PPP1R13B: variants seen among roughly 807,000 people sequenced by gnomAD.
PPP1R13B encodes the protein apoptosis-stimulating of p53 protein 1.
In PPP1R13B, 44 loss-of-function variants were observed where a neutral mutation model predicts 119.8. The observed-to-expected ratio is 0.37, with a 90% CI of 0.29 to 0.47. PPP1R13B has a LOEUF of 0.47. Ranked by LOEUF, PPP1R13B falls within the 20% of genes least tolerant of loss-of-function variation. The pLI, the probability that PPP1R13B is intolerant of heterozygous loss-of-function variation, is 0.99. For missense variants in PPP1R13B, 1,227 were observed against 1,413.5 expected, an observed-to-expected ratio of 0.87 and a Z score of 2.12; for synonymous variants, 542 against 561.5, an observed-to-expected ratio of 0.97 and a Z score of 0.49.
chr14:103,734,401 A>C lies in PPP1R13B; in HGVS notation c.*753T>G. On this transcript the variant is annotated 3_prime_UTR_variant, in exon 17 of 17. Transcript: ENST00000202556. ...TTCAGGGAACTGAATTTGAGCTTGCAGGGGTGAGAACCACACTGAGCAGCA... is the reference window on the plus strand; with the variant it reads ...TTCAGGGAACTGAATTTGAGCTTGCCGGGGTGAGAACCACACTGAGCAGCA... The C allele has an allele frequency of 2.5e-6, 1 of 400,184 alleles. No homozygotes were observed. The highest frequency in any genetic ancestry group is 5.1e-6 in the Non-Finnish European group (1 of 196,754). 24.8% of individuals were successfully genotyped at this position (400,184 alleles called of 1,614,324 possible).
chr14:103,736,033 C>T lies in PPP1R13B; in HGVS notation c.3201G>A (p.Arg1067=). Residue 1067 remains arginine, a synonymous_variant, in exon 16 of 17, where the codon CGG becomes CGA. Coordinates refer to ENST00000202556, the MANE Select transcript of PPP1R13B (RefSeq NM_015316.3). ...TEWWWARLGD[R]EGYVPKNLLG... is the part of the protein sequence containing the mutation. ...GCAGGTTTTTGGGCACATAGCCCTC[C>T]CGGTCTCCAAGGCGAGCCCACCACC... 1 of 1,614,182 alleles carries T rather than the reference C, an allele frequency of 6.2e-7. No homozygotes were observed. The highest frequency in any genetic ancestry group is 8.5e-7 in the Non-Finnish European group (1 of 1,180,026).
At chr14:103,806,574 C>T (rs887146706) in intron 1 of PPP1R13B, among the ~76,000 whole-genome samples, 1 of 152,108 alleles carries the variant, frequency 6.6e-6, no homozygotes, top group Non-Finnish European at 1.5e-5. Flanking sequence ...ATGCTAAGGT[C>T]CCTTCTGGCC....
chr14:103,783,120 T>G (rs1463084111), intron 3 of PPP1R13B, among the ~76,000 whole-genome samples: 1 of 151,846 alleles, frequency 6.6e-6, no homozygotes, highest in African/African-American at 2.4e-5. Flanking sequence ...TTTTTTCCTA[T>G]CAAATTTTAG....
intron 4 of PPP1R13B, among the ~76,000 whole-genome samples, chr14:103,764,951 T>TG (rs2084904148): frequency 6.6e-6 from 1 of 152,204 alleles, no homozygotes; most frequent in Non-Finnish European, 1.5e-5. Flanking sequence ...CCCGAGTAGC[T>TG]GGGACTACAG....
At chr14:103,813,637 G>A (rs8011109) in intron 1 of PPP1R13B, among the ~76,000 whole-genome samples, 67,735 of 152,012 alleles carry the variant, frequency 0.45, 15,598 homozygotes, top group African/African-American at 0.56. Context: ...GCAGAACTGT[G>A]AGTACATTAA....
intron 1 of PPP1R13B, chr14:103,846,908 C>G (rs1445830601): frequency 1.0e-6 from 1 of 968,812 alleles, no homozygotes; most frequent in Non-Finnish European, 1.4e-6. Context: ...GGCGCGGGTG[C>G]CCACCCCGCC....
chr14:103,807,771 G>C (rs1223212598), intron 1 of PPP1R13B, among the ~76,000 whole-genome samples: 1 of 151,922 alleles, frequency 6.6e-6, no homozygotes, highest in Non-Finnish European at 1.5e-5. Context: ...TGGGATTATA[G>C]GCGTGAGGCA....
chr14:103,793,198 TGAGGAAAGGA>T (rs1418192279), intron 2 of PPP1R13B, among the ~76,000 whole-genome samples: 1 of 140,910 alleles, frequency 7.1e-6, no homozygotes, highest in Non-Finnish European at 1.5e-5. Context: ...GGAAGAGAAG[TGAGGAAAGGA>T]AAGAAAAGGA....
At chr14:103,839,670 T>C (rs1172259781) in intron 1 of PPP1R13B, among the ~76,000 whole-genome samples, 1 of 151,212 alleles carries the variant, frequency 6.6e-6, no homozygotes, top group Non-Finnish European at 1.5e-5. Context: ...GTCATTACAA[T>C]AGCCTCTAAG....
At chr14:103,750,486 C>A (rs1358555918) in intron 7 of PPP1R13B, among the ~76,000 whole-genome samples, 1 of 152,224 alleles carries the variant, frequency 6.6e-6, no homozygotes, top group East Asian at 1.9e-4. Context: ...AGCACTAGTA[C>A]ATACACACTT....
Position 103,738,969 on chromosome 14 carries a change from T to C in PPP1R13B, c.2647A>G (p.Arg883Gly). ...AGTGCCAGGGGGTTAAACCGGACTC[T>C]CAGCCCGTGCCCCGTCCGCTCCGAG... ...PNSERTGHGL[R>G]VRFNPLALLL... The change falls in exon 13 of 17, where the codon AGA becomes GGA. Residue 883 changes from arginine to glycine, a missense_variant. Transcript: ENST00000202556. The surrounding 1 kb of genome is among the most constrained non-coding windows in gnomAD (Gnocchi z 5.6). The C allele has an allele frequency of 4.3e-6, 7 of 1,614,114 alleles. No individual in the cohort carries two copies. Among genetic ancestry groups the C allele is most frequent in the Non-Finnish European group, 5.9e-6 (7 of 1,180,012 alleles).
Position 103,734,556 on chromosome 14 carries a change from A to G in PPP1R13B, c.*598T>C, listed in dbSNP as rs187219068. 7.4e-4 allele frequency: 339 copies of G among 456,436 alleles called. 1 individual carries two copies. The highest frequency in any genetic ancestry group is 5.9e-3 in the African/African-American group (294 of 50,178). The allele number at this position is 456,436 out of a possible 1,614,324, so 28.3% of individuals were successfully genotyped here. ...TGCTGGGCCTGCACAATCAGCCTTT[A>G]GGTGAACTGGAACAGGAAGCGGAAC... is the stretch of plus-strand genomic sequence containing the variant. On this transcript the variant is annotated 3_prime_UTR_variant, in exon 17 of 17. Transcript: ENST00000202556.
At chr14:103,751,225 C>T (rs2084537334) in intron 7 of PPP1R13B, among the ~76,000 whole-genome samples, 1 of 152,204 alleles carries the variant, frequency 6.6e-6, no homozygotes, top group South Asian at 2.1e-4. Flanking sequence ...AAATAAATGA[C>T]ATCCTTATAT....
At chr14:103,781,944 G>T (rs1235141971) in intron 3 of PPP1R13B, among the ~76,000 whole-genome samples, 2 of 152,068 alleles carry the variant, frequency 1.3e-5, no homozygotes, top group Non-Finnish European at 2.9e-5. Context: ...GAGCCACCGC[G>T]CCCGGCCAAA....
At chr14:103,795,555 T>C (rs1463158228) in intron 2 of PPP1R13B, among the ~76,000 whole-genome samples, 1 of 152,122 alleles carries the variant, frequency 6.6e-6, no homozygotes, top group Non-Finnish European at 1.5e-5. Flanking sequence ...CCATAGACCA[T>C]TTAGGGCTAT....
Position 103,785,400 on chromosome 14 carries a change from T to C in PPP1R13B, c.158-486A>G, listed in dbSNP as rs145631449. ...TGCCCAGCTAATTTTTTGTATTTAG[T>C]AGAGAGAGGGTTTCACCATGTTAGC... is the stretch of plus-strand genomic sequence containing the variant. On this transcript the variant is annotated intron_variant, in intron 2 of 16. Coordinates refer to ENST00000202556, the MANE Select transcript of PPP1R13B (RefSeq NM_015316.3). Among the ~76,000 whole-genome samples, 139 of 152,096 alleles carry C rather than the reference T, an allele frequency of 9.1e-4. 3 individuals are homozygous for C. In the East Asian group the frequency reaches 0.02, roughly 22 times the overall value.
intron 1 of PPP1R13B, among the ~76,000 whole-genome samples, chr14:103,805,368 C>T (rs2085993319): frequency 6.6e-6 from 1 of 151,878 alleles, no homozygotes; most frequent in African/African-American, 2.4e-5. Flanking sequence ...CTCAAGAGTT[C>T]AAGACCAGCC....
At chr14:103,746,142 A>C (rs1446464110) in intron 9 of PPP1R13B, among the ~76,000 whole-genome samples, 2 of 152,186 alleles carry the variant, frequency 1.3e-5, no homozygotes, top group Non-Finnish European at 2.9e-5. Flanking sequence ...TTGTGTTTTG[A>C]AAAGCCACAC....
chr14:103,805,116 C>T (rs1366635276), intron 1 of PPP1R13B, among the ~76,000 whole-genome samples: 3 of 152,180 alleles, frequency 2.0e-5, no homozygotes, highest in Non-Finnish European at 2.9e-5. Flanking sequence ...GGATTACAGG[C>T]GTGAGCCACT....
Sources: gnomAD v4.1 joint callset for allele counts (sites outside exome capture counted in the v4.1 genomes callset) on GRCh38, gnomAD v4.1.1 for gene constraint, Gnocchi (gnomAD v3.1) non-coding constraint, MANE v1.5 for transcripts, NCBI Gene and HGNC (gene_info 2026-07-23, HGNC 2026-07-21) for gene names.